BBS1: variants seen among roughly 807,000 people sequenced by gnomAD.
The protein encoded by BBS1 is BBSome complex member BBS1.
BBS1 carries 60 observed loss-of-function variants against 73.9 expected under a neutral mutation model. That is an observed-to-expected ratio of 0.81 (90% confidence interval 0.66 to 1.01). BBS1 has a LOEUF of 1.01. Ranked by LOEUF, BBS1 falls within the 50% of genes least tolerant of loss-of-function variation. BBS1 has a pLI of 0.00. For synonymous variants in BBS1, 283 were observed against 317.4 expected, an observed-to-expected ratio of 0.89 and a Z score of 1.15; for missense variants, 718 against 770.3, an observed-to-expected ratio of 0.93 and a Z score of 0.80.
chr11:66,515,917 A>G lies in BBS1; in HGVS notation c.575A>G (p.Asn192Ser), dbSNP rs1207942097. 2.5e-6 allele frequency: 4 copies of G among 1,613,892 alleles called. No homozygotes were observed. The highest frequency in any genetic ancestry group is 1.7e-5 in the Admixed American group (1 of 59,984). The change falls in exon 7 of 17, where the codon AAC becomes AGC. Residue 192 changes from asparagine (N) to serine (S), a missense_variant. By Grantham distance (46) the Asn-to-Ser change is conservative. Coordinates refer to ENST00000318312, the MANE Select transcript of BBS1 (RefSeq NM_024649.5). ...GCATTTGTAAACCAACACAAGTCCA[A>G]CTCCATCAAGCGGCAGGTAATACCC... ...MEAFVNQHKS[N>S]SIKRQTVITT...
chr11:66,523,911 C>T, intron 11 of BBS1, 29 bp downstream of exon 11: 4 of 1,611,322 alleles, frequency 2.5e-6, no homozygotes, highest in Non-Finnish European at 3.4e-6. Flanking sequence ...ATCTGCCACT[C>T]ACTCCTCCTT....
chr11:66,518,761 T>C (rs964438749), intron 7 of BBS1, among the ~76,000 whole-genome samples: 14 of 149,684 alleles, frequency 9.4e-5, no homozygotes, highest in East Asian at 7.8e-4. Context: ...CCTTTTCTTT[T>C]TTTTTTTTTT....
At chr11:66,515,614 C>T (rs755025377) in intron 5 of BBS1, 28 bp downstream of exon 5, 47 of 1,614,044 alleles carry the variant, frequency 2.9e-5, no homozygotes, top group Non-Finnish European at 3.5e-5. Context: ...CCTTCATACC[C>T]CCCTCACTCC....
At chr11:66,517,613 G>A (rs1354543475) in intron 7 of BBS1, among the ~76,000 whole-genome samples, 10 of 151,338 alleles carry the variant, frequency 6.6e-5, no homozygotes, top group South Asian at 6.3e-4. Context: ...GACTACAGGC[G>A]CACACCACCA....
rs552742727 is a variant in BBS1 at position 66,514,019 on chromosome 11, AT to A, written c.160-386del. ...GAAACCAGGCTTCAGCAGCCCAGAT[AT>A]GGGTGTCCCCGTCCCCTCCCACACT... On this transcript the variant is annotated intron_variant, in intron 3 of 16. Coordinates refer to ENST00000318312, the MANE Select transcript of BBS1 (RefSeq NM_024649.5). Among the ~76,000 whole-genome samples the A allele has an allele frequency of 1.7e-3, 260 of 152,290 alleles. 1 individual carries two copies. Among genetic ancestry groups the A allele is most frequent in the Non-Finnish European group, 2.8e-3 (192 of 68,016 alleles).
chr11:66,531,104 C>G, intron 15 of BBS1, 76 bp downstream of exon 15: 1 of 1,584,976 alleles, frequency 6.3e-7, no homozygotes, highest in South Asian at 1.1e-5. Flanking sequence ...CACAGAGCCC[C>G]GCCAGGTCAG....
At chr11:66,527,751 T>C (rs1379694788) in intron 13 of BBS1, 1 of 151,356 alleles carries the variant, frequency 6.6e-6, no homozygotes, top group Non-Finnish European at 1.5e-5. Flanking sequence ...TTCATGATCA[T>C]GTGTAGAAGG....
Position 66,518,280 on chromosome 11 carries a change from C to T in BBS1, c.592-1337C>T, listed in dbSNP as rs112079997. Among the ~76,000 whole-genome samples, 1,343 of 148,482 alleles carry T rather than the reference C, an allele frequency of 9.0e-3. 22 individuals are homozygous for T. The highest frequency in any genetic ancestry group is 0.031 in the African/African-American group (1,249 of 40,316). ...CCTTTTCTTTTATTTATTTTTGAAA[C>T]GGAGTCTCGCTCTGTCACCCAGGCT... On this transcript the variant is annotated intron_variant, in intron 7 of 16. Transcript: ENST00000318312.
At chr11:66,522,724 A>G (rs1475498625) in intron 9 of BBS1, 1 of 206,362 alleles carries the variant, frequency 4.8e-6, no homozygotes, top group African/African-American at 2.4e-5. Flanking sequence ...TTAGGGATAT[A>G]TTGATGAACA....
chr11:66,527,828 A>C (rs903384561), intron 13 of BBS1: 3 of 152,304 alleles, frequency 2.0e-5, no homozygotes, highest in African/African-American at 4.8e-5. Context: ...AGCTTGGGAA[A>C]GGCTTCAGAG....
At chr11:66,531,163 C>A in intron 15 of BBS1, 135 bp downstream of exon 15, 2 of 1,256,972 alleles carry the variant, frequency 1.6e-6, no homozygotes, top group Non-Finnish European at 2.3e-6. Flanking sequence ...CCTACTCTCC[C>A]ACCACAGACC....
At chr11:66,530,844 G>T in intron 14 of BBS1, 50 bp from the exon 15 acceptor site, 1 of 1,613,758 alleles carries the variant, frequency 6.2e-7, no homozygotes, top group Non-Finnish European at 8.5e-7. Flanking sequence ...TGTACTCCGT[G>T]CCCAAGGCTG....
At position 66,519,937 on chromosome 11, in the gene BBS1, G is replaced by A. The variant is rs1590760893; in HGVS notation, c.723+189G>A. 31 of 611,174 alleles carry A rather than the reference G, an allele frequency of 5.1e-5. No individual in the cohort carries two copies. In the East Asian group the frequency reaches 1.0e-3, roughly 20 times the overall value. 37.9% of individuals were successfully genotyped at this position (611,174 alleles called of 1,614,324 possible). A position where few individuals can be genotyped will look rare whatever the true frequency, so the allele number is the denominator to read the frequency against. Reference sequence around the variant, plus strand: ...GTATACTGTTAAAGTTGAGGCATAGGTCTCTCTAGACATTTTCATATTTAG... The same window carrying A: ...GTATACTGTTAAAGTTGAGGCATAGATCTCTCTAGACATTTTCATATTTAG... On this transcript the variant is annotated intron_variant, in intron 8 of 16. Transcript: ENST00000318312.
chr11:66,531,285 C>T (rs537939035), intron 15 of BBS1, among the ~76,000 whole-genome samples: 6 of 152,352 alleles, frequency 3.9e-5, no homozygotes, highest in Admixed American at 1.3e-4. Flanking sequence ...GCTGGGAAAA[C>T]TGCTAGAGCC....
At chr11:66,513,260 G>C (rs1855987244) in intron 3 of BBS1, among the ~76,000 whole-genome samples, 1 of 151,620 alleles carries the variant, frequency 6.6e-6, no homozygotes, top group Non-Finnish European at 1.5e-5. Context: ...GGATGGGGAA[G>C]GCATTTCAGG....
rs201107729 is a variant in BBS1, at chr11:66,529,788, C to T, written c.1340-31C>T. ...CCTCCTCCCTGCCACCCCCCACCTC[C>T]ACCGTCAGCCTCTGGGACCCTTCTC... On this transcript the variant is annotated intron_variant, in intron 13 of 16. Coordinates refer to ENST00000318312, the MANE Select transcript of BBS1 (RefSeq NM_024649.5). The T allele has an allele frequency of 3.0e-4, 481 of 1,608,610 alleles. 2 individuals are homozygous for T. In the East Asian group the frequency reaches 0.01, roughly 35 times the overall value.
intron 11 of BBS1, chr11:66,524,234 C>A (rs1856385290): frequency 5.5e-6 from 2 of 360,428 alleles, no homozygotes; most frequent in Non-Finnish European, 5.4e-6. Flanking sequence ...GAGCCAAGAT[C>A]AAACCATGGC....
intron 3 of BBS1, among the ~76,000 whole-genome samples, chr11:66,512,020 G>GTATATATATGTATATATA (rs1565280720): frequency 7.0e-6 from 1 of 143,286 alleles, no homozygotes; most frequent in African/African-American, 2.6e-5. Context: ...ATATATATAT[G>GTATATATATGTATATATA]TGTATATATA....
Position 66,532,127 on chromosome 11 carries a change from G to A in BBS1, c.*90G>A, listed in dbSNP as rs1471015996. 14 of 1,359,174 alleles carry A rather than the reference G, an allele frequency of 1.0e-5. No homozygotes were observed. The highest frequency in any genetic ancestry group is 2.9e-5 in the African/African-American group (2 of 68,726). 84.2% of individuals were successfully genotyped at this position (1,359,174 alleles called of 1,614,324 possible). On this transcript the variant is annotated 3_prime_UTR_variant, in exon 17 of 17. Transcript: ENST00000318312. ...CCAGGCCCACTCCTCATGCAGCAGT[G>A]TGCTGGGGCGACAGCTCGTCTCCCC...
Sources: gnomAD v4.1 joint callset for allele counts (sites outside exome capture counted in the v4.1 genomes callset) on GRCh38, gnomAD v4.1.1 for gene constraint, MANE v1.5 for transcripts, NCBI Gene and HGNC (gene_info 2026-07-23, HGNC 2026-07-21) for gene names.